The following ADGRA1 variants were observed in gnomAD, a reference collection of about 807,000 sequenced individuals.
ADGRA1 encodes the protein adhesion G protein-coupled receptor A1, also known as G-protein coupled receptor 123.
In ADGRA1, 12 loss-of-function variants were observed where a neutral mutation model predicts 21.3. That is an observed-to-expected ratio of 0.56 (90% CI 0.36 to 0.91). The LOEUF is 0.91. Ranked by LOEUF, ADGRA1 falls within the 40% of genes least tolerant of loss-of-function variation. ADGRA1 has a pLI of 0.01. For synonymous variants in ADGRA1, 385 were observed against 368.8 expected, an observed-to-expected ratio of 1.04 and a Z score of -0.50; for missense variants, 790 against 805.6, an observed-to-expected ratio of 0.98 and a Z score of 0.23.
intron 5 of ADGRA1, among the ~76,000 whole-genome samples, chr10:133,117,427 G>A (rs995646993): frequency 1.8e-4 from 28 of 152,236 alleles, no homozygotes; most frequent in African/African-American, 5.8e-4. Context: ...GAGGCCAAGC[G>A]CTCAGCGTGG....
chr10:133,107,578 G>A (rs1292886716), intron 5 of ADGRA1, among the ~76,000 whole-genome samples: 2 of 152,050 alleles, frequency 1.3e-5, no homozygotes, highest in Non-Finnish European at 2.9e-5. Flanking sequence ...GGTTTCTTGT[G>A]GTATAAAATC....
intron 2 of ADGRA1, among the ~76,000 whole-genome samples, chr10:133,093,492 G>T (rs1851638307): frequency 6.6e-6 from 1 of 152,220 alleles, no homozygotes; most frequent in Admixed American, 6.5e-5. Context: ...ACGCTGGCGG[G>T]ACTGTTGGCT....
At chr10:133,122,525 C>T (rs976320698) in intron 5 of ADGRA1, among the ~76,000 whole-genome samples, 2 of 152,244 alleles carry the variant, frequency 1.3e-5, no homozygotes, top group African/African-American at 4.8e-5. Context: ...CACCACAGGC[C>T]TGTTTCTTGT....
rs141915834 is a variant in ADGRA1 at position 133,104,944 on chromosome 10, C to A, written c.401+2102C>A. Among the ~76,000 whole-genome samples the A allele has an allele frequency of 7.4e-4, 112 of 152,328 alleles. 1 individual carries two copies. Among genetic ancestry groups the A allele is most frequent in the African/African-American group, 2.7e-3 (111 of 41,572 alleles). On this transcript the variant is annotated intron_variant, in intron 5 of 6. Coordinates refer to ENST00000392607, the MANE Select transcript of ADGRA1 (RefSeq NM_001083909.3). ...CTGGAGCGGGGCCTTTCTCCCCACA[C>A]CCCGAAGGTGCTCACGGTCTGCCCT...
In ADGRA1 at chr10:133,129,241, C is replaced by T. The variant is rs1453098679; in HGVS notation, c.1413C>T (p.Cys471=). 1 of 1,549,744 alleles carries T rather than the reference C, an allele frequency of 6.5e-7. No homozygotes were observed. Among genetic ancestry groups the T allele is most frequent in the African/African-American group, 1.4e-5 (1 of 73,160 alleles). ...CGGCGGGGACACACACGCTGGCCTGCTGCACCCAGGGCGACCCCTTCCCCA... is the reference window on the plus strand; with the variant it reads ...CGGCGGGGACACACACGCTGGCCTGTTGCACCCAGGGCGACCCCTTCCCCA... The part of the protein sequence containing the change: ...DGPAGTHTLA[C]CTQGDPFPMV... The change falls in exon 7 of 7, where the codon TGC becomes TGT. Residue 471 remains cysteine, a synonymous_variant. Coordinates refer to ENST00000392607, the MANE Select transcript of ADGRA1 (RefSeq NM_001083909.3).
At chr10:133,089,149 C>A in intron 2 of ADGRA1, 1 of 646,928 alleles carries the variant, frequency 1.5e-6, no homozygotes, top group South Asian at 7.8e-5. Context: ...GAGTTGCAGG[C>A]ATATGGCAAT....
chr10:133,119,298 T>C (rs1160995116), intron 5 of ADGRA1, among the ~76,000 whole-genome samples: 1 of 149,788 alleles, frequency 6.7e-6, no homozygotes, highest in African/African-American at 2.5e-5. Context: ...CAGCAAGTCA[T>C]AATCTTCCTG....
intron 5 of ADGRA1, among the ~76,000 whole-genome samples, chr10:133,106,859 CA>C (rs1591175873): frequency 6.6e-6 from 1 of 152,374 alleles, no homozygotes; most frequent in East Asian, 1.9e-4. Flanking sequence ...GGCTCCTGGG[CA>C]GTGTTTATCT....
intron 5 of ADGRA1, among the ~76,000 whole-genome samples, chr10:133,123,937 C>G (rs2135907472): frequency 6.6e-6 from 1 of 152,308 alleles, no homozygotes; most frequent in South Asian, 2.1e-4. Flanking sequence ...CCTCTTGACG[C>G]GTGAGGTGAA....
chr10:133,089,068 G>T (rs1851555121), intron 2 of ADGRA1, 156 bp downstream of exon 2: 1 of 1,221,564 alleles, frequency 8.2e-7, no homozygotes, highest in Admixed American at 4.2e-5. Context: ...GCTCTGTGGA[G>T]TGGGGGCCGG....
chr10:133,110,050 C>T (rs1173268204), intron 5 of ADGRA1, among the ~76,000 whole-genome samples: 3 of 152,218 alleles, frequency 2.0e-5, no homozygotes, highest in South Asian at 2.1e-4. Context: ...CGGCGGCGTT[C>T]CTGGGTGTGG....
intron 4 of ADGRA1, chr10:133,102,404 C>T (rs1471412141): frequency 4.4e-5 from 24 of 551,204 alleles, no homozygotes; most frequent in Admixed American, 6.6e-5. Context: ...GGGACCACAG[C>T]GGGTTGTGCA....
chr10:133,106,232 G>A (rs915048520), intron 5 of ADGRA1, among the ~76,000 whole-genome samples: 1 of 152,190 alleles, frequency 6.6e-6, no homozygotes, highest in African/African-American at 2.4e-5. Flanking sequence ...GGATCTGGGG[G>A]GCGCCGGAGC....
Position 133,127,276 on chromosome 10 carries a change from G to T in ADGRA1, c.445G>T (p.Val149Phe), listed in dbSNP as rs768499312. The T allele has an allele frequency of 2.5e-6, 4 of 1,600,250 alleles. No homozygotes were observed. The highest frequency in any genetic ancestry group is 2.6e-6 in the Non-Finnish European group (3 of 1,174,644). ...SGGVPFIICG[V>F]TAATNIRNYG... ...AGGGGTCCCCTTTATCATCTGTGGG[G>T]TCACGGCTGCCACGAACATCAGGAA... Residue 149 changes from valine (V) to phenylalanine (F), a missense_variant, in exon 6 of 7, where the codon GTC (valine) becomes TTC (phenylalanine). Val to Phe is a conservative substitution (Grantham distance 50, BLOSUM62 -1). Transcript: ENST00000392607.
intron 5 of ADGRA1, among the ~76,000 whole-genome samples, chr10:133,115,398 C>A (rs1225813026): frequency 2.6e-5 from 4 of 152,210 alleles, no homozygotes; most frequent in African/African-American, 9.6e-5. Context: ...GACAAGGCCT[C>A]TGCACCTGTG....
intron 1 of ADGRA1, 114 bp from the exon 2 acceptor site, chr10:133,088,594 C>A: frequency 3.3e-6 from 2 of 602,488 alleles, no homozygotes; most frequent in Non-Finnish European, 4.6e-6. Context: ...CCAGGCCGCC[C>A]GCGGAGGGGA....
chr10:133,124,482 G>A (rs866902496), intron 5 of ADGRA1, among the ~76,000 whole-genome samples: 19 of 152,364 alleles, frequency 1.2e-4, no homozygotes, highest in African/African-American at 3.6e-4. Context: ...CACGTAACCC[G>A]GAGATGTCCC....
chr10:133,127,047 G>A (rs1852387636), intron 5 of ADGRA1, among the ~76,000 whole-genome samples, 186 bp from the exon 6 acceptor site: 2 of 151,938 alleles, frequency 1.3e-5, no homozygotes, highest in Admixed American at 6.5e-5. Context: ...GGAGGCCAGC[G>A]AGGCCGGCAC....
chr10:133,129,536 C>G lies in ADGRA1; in HGVS notation c.*25C>G. ...GATGGGGGCAGAGGACACGGTGTTC[C>G]TGGAGGAGCTTCAGAGCAGAGTGGG... On this transcript the variant is annotated 3_prime_UTR_variant, in exon 7 of 7. Coordinates refer to ENST00000392607, the MANE Select transcript of ADGRA1 (RefSeq NM_001083909.3). 6.5e-7 allele frequency: 1 copy of G among 1,546,822 alleles called. No homozygotes were observed. The highest frequency in any genetic ancestry group is 8.7e-7 in the Non-Finnish European group (1 of 1,149,904).
Sources: gnomAD v4.1 joint callset for allele counts (sites outside exome capture counted in the v4.1 genomes callset) on GRCh38, gnomAD v4.1.1 for gene constraint, MANE v1.5 for transcripts, NCBI Gene and HGNC (gene_info 2026-07-23, HGNC 2026-07-21) for gene names.